The following ADCY2 variants were observed in gnomAD, a reference collection of about 807,000 sequenced individuals.
The protein encoded by ADCY2 is adenylate cyclase type 2.
A neutral mutation model predicts 125.2 loss-of-function variants in ADCY2; 31 were observed. The ratio of observed to expected loss-of-function variants is 0.25; its 90% CI spans 0.19 to 0.33. The LOEUF (loss-of-function observed/expected upper bound fraction) is 0.33. Ranked by LOEUF, ADCY2 falls within the 10% of genes least tolerant of loss-of-function variation. ADCY2 has a pLI of 1.00. For missense variants in ADCY2, 904 were observed against 1,418.2 expected (o/e 0.64, Z 5.82); for synonymous variants, 512 against 548.4 (o/e 0.93, Z 0.93).
Position 7,784,497 on chromosome 5 carries a change from T to C in ADCY2, c.2469+48T>C, listed in dbSNP as rs994554780. On this transcript the variant is annotated intron_variant, in intron 19 of 24. Transcript: ENST00000338316. ...TGTATGTATACCTTCTCTAAAGTGC[T>C]GTATTAATAGTGCTTTGCTGTGCAT... 2.2e-6 allele frequency: 3 copies of C among 1,389,492 alleles called. No homozygotes were observed. In the African/African-American group the frequency reaches 4.3e-5, roughly 20 times the overall value. The allele number at this position is 1,389,492 out of a possible 1,614,324, so 86.1% of individuals were successfully genotyped here.
intron 9 of ADCY2, chr5:7,708,041 A>T (rs1046985863): frequency 5.4e-6 from 3 of 554,062 alleles, no homozygotes; most frequent in African/African-American, 1.9e-5. Flanking sequence ...GTTGAAATGC[A>T]CTGCTTTTCT....
intron 12 of ADCY2, among the ~76,000 whole-genome samples, chr5:7,723,920 C>A (rs1286115645): frequency 2.6e-4 from 14 of 53,724 alleles, no homozygotes; most frequent in African/African-American, 9.2e-4. Context: ...GACTCAGTCT[C>A]AAAAAAAAAA....
chr5:7,760,014 G>T (rs1351127313), intron 16 of ADCY2, among the ~76,000 whole-genome samples: 1 of 152,160 alleles, frequency 6.6e-6, no homozygotes, highest in Non-Finnish European at 1.5e-5. Flanking sequence ...TTAAGACAGG[G>T]ACAGGAGAGG....
chr5:7,723,790 A>G (rs941995882), intron 12 of ADCY2, among the ~76,000 whole-genome samples: 11 of 151,476 alleles, frequency 7.3e-5, no homozygotes, highest in Non-Finnish European at 1.3e-4. Flanking sequence ...ACGTGGTGGC[A>G]TGCACCTGTA....
intron 16 of ADCY2, among the ~76,000 whole-genome samples, chr5:7,763,426 A>C (rs376332091): frequency 9.2e-5 from 14 of 152,300 alleles, no homozygotes; most frequent in East Asian, 7.7e-4. Context: ...AATATATATA[A>C]ATAAGGTATA....
intron 12 of ADCY2, among the ~76,000 whole-genome samples, chr5:7,724,080 G>A (rs1182904651): frequency 1.6e-5 from 2 of 126,530 alleles, no homozygotes; most frequent in African/African-American, 2.9e-5. Context: ...TGATGGTTTG[G>A]ATGCTCTGTG....
intron 3 of ADCY2, among the ~76,000 whole-genome samples, chr5:7,566,646 T>A (rs1735902630): frequency 6.6e-6 from 1 of 151,860 alleles, no homozygotes; most frequent in African/African-American, 2.4e-5. Context: ...CAGCCAGGAG[T>A]CTTGGTGTCA....
At chr5:7,407,452 C>T (rs896191183) in intron 1 of ADCY2, among the ~76,000 whole-genome samples, 2 of 152,022 alleles carry the variant, frequency 1.3e-5, no homozygotes, top group African/African-American at 4.8e-5. Context: ...GGAAGCAAGG[C>T]ATGTCTTCTT....
chr5:7,682,226 A>G (rs1309462653), intron 4 of ADCY2, among the ~76,000 whole-genome samples: 10 of 152,230 alleles, frequency 6.6e-5, no homozygotes, highest in African/African-American at 2.4e-4. Context: ...AATTAAGAGC[A>G]CACTGTCTGC....
Position 7,610,077 on chromosome 5 carries a change from TC to T in ADCY2, c.571-16089del, listed in dbSNP as rs1579232870. Among the ~76,000 whole-genome samples the T allele has an allele frequency of 2.6e-5, 4 of 152,188 alleles. No individual in the cohort carries two copies. In the South Asian group the frequency reaches 8.3e-4, roughly 32 times the overall value. On this transcript the variant is annotated intron_variant, in intron 3 of 24. Transcript: ENST00000338316. ...ATAAAGAATTTAGGGTAGGATACTT[TC>T]ATAAGAAACATATTAAATTGGAGAG...
At chr5:7,772,841 A>G (rs1287347275) in intron 17 of ADCY2, 91 bp from the exon 18 acceptor site, 5 of 1,278,714 alleles carry the variant, frequency 3.9e-6, no homozygotes, top group Non-Finnish European at 5.5e-6. Flanking sequence ...TGTTGACCAG[A>G]TGAGATGGGC....
At chr5:7,741,033 T>C in intron 14 of ADCY2, among the ~76,000 whole-genome samples, 1 of 151,840 alleles carries the variant, frequency 6.6e-6, no homozygotes, top group East Asian at 1.9e-4. Flanking sequence ...ATGCAAAACC[T>C]CACAAATCTG....
rs373298123 is a variant in ADCY2, at chr5:7,615,123, G to A, written c.571-11044G>A. On this transcript the variant is annotated intron_variant, in intron 3 of 24. Coordinates refer to ENST00000338316, the MANE Select transcript of ADCY2 (RefSeq NM_020546.3). ...ACACTTGTAAACAGCCAGATCTCAT[G>A]AGAACTCACTATCACAAGAACAGCA... Among the ~76,000 whole-genome samples the A allele has an allele frequency of 6.6e-5, 10 of 152,254 alleles. No individual in the cohort carries two copies. The East Asian group carries it at 1.5e-3, about 24-fold the overall frequency.
intron 24 of ADCY2, 162 bp from the exon 25 acceptor site, chr5:7,826,557 C>G (rs745743298): frequency 2.2e-6 from 2 of 918,564 alleles, no homozygotes; most frequent in East Asian, 5.1e-5. Flanking sequence ...CCTTTACAAC[C>G]TTTTTTTCTT....
chr5:7,643,938 A>T (rs1392675546), intron 4 of ADCY2, among the ~76,000 whole-genome samples: 1 of 151,832 alleles, frequency 6.6e-6, no homozygotes, highest in Non-Finnish European at 1.5e-5. Context: ...TCTTCTGAGC[A>T]TCTTAGAATA....
chr5:7,431,020 G>T (rs1273040860), intron 2 of ADCY2, among the ~76,000 whole-genome samples: 1 of 152,082 alleles, frequency 6.6e-6, no homozygotes, highest in African/African-American at 2.4e-5. Flanking sequence ...CCTAATTGAA[G>T]TCCCAGCAAG....
intron 3 of ADCY2, among the ~76,000 whole-genome samples, chr5:7,579,396 T>C (rs59090530): frequency 0.028 from 4,312 of 152,052 alleles, 196 homozygotes; most frequent in African/African-American, 0.098. Context: ...AGTAGCTAAA[T>C]ATGAGGGAAA....
intron 2 of ADCY2, among the ~76,000 whole-genome samples, chr5:7,446,654 G>A (rs1343584346): frequency 6.6e-6 from 1 of 152,182 alleles, no homozygotes; most frequent in African/African-American, 2.4e-5. Context: ...TTATAGGTGA[G>A]AGAGGGCCAT....
At chr5:7,554,831 G>A (rs960965930) in intron 3 of ADCY2, among the ~76,000 whole-genome samples, 53 of 152,276 alleles carry the variant, frequency 3.5e-4, no homozygotes, top group African/African-American at 1.3e-3. Flanking sequence ...ATATGCAAAT[G>A]TCTCAACAGT....
Sources: gnomAD v4.1 joint callset for allele counts (sites outside exome capture counted in the v4.1 genomes callset) on GRCh38, gnomAD v4.1.1 for gene constraint, MANE v1.5 for transcripts, NCBI Gene and HGNC (gene_info 2026-07-23, HGNC 2026-07-21) for gene names.